The following ZEB1 variants were observed in gnomAD, a reference collection of about 807,000 sequenced individuals.
ZEB1 encodes the protein zinc finger E-box binding homeobox 1.
Under a neutral mutation model 84.9 loss-of-function variants are expected in ZEB1, and 21 were observed. The observed-to-expected ratio is 0.25, with a 90% CI of 0.18 to 0.36. The LOEUF (loss-of-function observed/expected upper bound fraction) is 0.36, where lower values mean the gene tolerates loss of function less well. Ranked by LOEUF, ZEB1 falls within the 10% of genes least tolerant of loss-of-function variation. The probability of loss-of-function intolerance (pLI) is 1.00; values close to 1 mark genes in which losing one functional copy is unlikely to be tolerated. For missense variants in ZEB1, 1,104 were observed against 1,330.2 expected (o/e 0.83, Z 2.65); for synonymous variants, 420 against 471.1 (o/e 0.89, Z 1.41).
Position 31,527,442 on chromosome 10 carries a change from C to T in ZEB1, c.*178C>T. 1.4e-6 allele frequency: 1 copy of T among 740,264 alleles called. No homozygotes were observed. The highest frequency in any genetic ancestry group is 2.1e-6 in the Non-Finnish European group (1 of 470,642). 45.9% of individuals were successfully genotyped at this position (740,264 alleles called of 1,614,324 possible). A position where few individuals can be genotyped will look rare whatever the true frequency, so the allele number is the denominator to read the frequency against. ...ACACACACACACACACACACACACA[C>T]ACACACACACAAAATAAATCCGGGT... On this transcript the variant is annotated 3_prime_UTR_variant, in exon 9 of 9. Transcript: ENST00000424869.
In ZEB1 at chr10:31,424,276, G is replaced by T. The variant is rs2056636672; in HGVS notation, c.59-36761G>T. Among the ~76,000 whole-genome samples the T allele has an allele frequency of 2.0e-5, 3 of 151,786 alleles. No individual in the cohort carries two copies. The South Asian group carries it at 6.2e-4, about 31-fold the overall frequency. On this transcript the variant is annotated intron_variant, in intron 1 of 8. Transcript: ENST00000424869. ...AGACTAGTCTTTTCATCATGACTTT[G>T]CATAACATTGTTCCAGCTAGATCAA... is the stretch of plus-strand genomic sequence containing the variant.
intron 1 of ZEB1, among the ~76,000 whole-genome samples, chr10:31,428,266 T>G (rs1417675913): frequency 6.6e-6 from 1 of 152,232 alleles, no homozygotes; most frequent in East Asian, 1.9e-4. Context: ...CATTGTCTCT[T>G]TGTTCCCATT....
intron 1 of ZEB1, among the ~76,000 whole-genome samples, chr10:31,323,643 G>A (rs1313596194): frequency 2.0e-5 from 3 of 152,066 alleles, no homozygotes; most frequent in Middle Eastern, 3.4e-3. Flanking sequence ...TAGTTCGTAC[G>A]TTGCTGTATG....
chr10:31,441,264 C>T (rs2058941291), intron 1 of ZEB1, among the ~76,000 whole-genome samples: 1 of 152,164 alleles, frequency 6.6e-6, no homozygotes, highest in Non-Finnish European at 1.5e-5. Flanking sequence ...ACATCTACAA[C>T]CATCTGATGT....
intron 2 of ZEB1, among the ~76,000 whole-genome samples, chr10:31,492,193 C>A (rs1412985435): frequency 1.3e-5 from 2 of 151,910 alleles, no homozygotes; most frequent in African/African-American, 2.4e-5. Flanking sequence ...CCCCAACTTA[C>A]AACATTGACT....
At chr10:31,361,016 C>A in intron 1 of ZEB1, 2 of 1,609,610 alleles carry the variant, frequency 1.2e-6, no homozygotes, top group Non-Finnish European at 1.7e-6. Context: ...TACAAGGCTC[C>A]TGCTTACCAT....
intron 5 of ZEB1, among the ~76,000 whole-genome samples, chr10:31,514,228 T>C (rs1228945509): frequency 6.6e-6 from 1 of 152,150 alleles, no homozygotes; most frequent in Non-Finnish European, 1.5e-5. Context: ...TTTCTATATC[T>C]ATAAATTGGA....
chr10:31,524,204 T>A, intron 8 of ZEB1, 91 bp downstream of exon 8: 1 of 930,576 alleles, frequency 1.1e-6, no homozygotes, highest in Non-Finnish European at 1.4e-6. Flanking sequence ...TTTTCTTTCT[T>A]TTTTTTTTTT....
intron 1 of ZEB1, among the ~76,000 whole-genome samples, chr10:31,418,834 A>G (rs748216272): frequency 2.0e-5 from 3 of 152,146 alleles, no homozygotes; most frequent in African/African-American, 7.2e-5. Flanking sequence ...AAATGCTCCA[A>G]AATCTGAAAC....
chr10:31,355,470 C>G (rs80301302), intron 1 of ZEB1, among the ~76,000 whole-genome samples: 2,295 of 152,142 alleles, frequency 0.015, 43 homozygotes, highest in African/African-American at 0.052. Context: ...AGCTTTGGAA[C>G]TAAACAAATA....
chr10:31,450,411 T>C (rs1046266944), intron 1 of ZEB1, among the ~76,000 whole-genome samples: 4 of 150,196 alleles, frequency 2.7e-5, no homozygotes, highest in East Asian at 1.9e-4. Context: ...TGGAAAGATA[T>C]TGATTTTTTT....
chr10:31,385,451 T>C (rs531390524), intron 1 of ZEB1, among the ~76,000 whole-genome samples: 4 of 152,312 alleles, frequency 2.6e-5, no homozygotes, highest in African/African-American at 7.2e-5. Context: ...TTCAGTCCTT[T>C]ATCAGTACCA....
chr10:31,482,186 T>A (rs1416124175), intron 2 of ZEB1, among the ~76,000 whole-genome samples: 1 of 151,908 alleles, frequency 6.6e-6, no homozygotes, highest in Non-Finnish European at 1.5e-5. Context: ...GTGCCACTAG[T>A]GTGGTATATT....
intron 1 of ZEB1, among the ~76,000 whole-genome samples, chr10:31,348,423 G>T (rs985546500): frequency 1.3e-5 from 2 of 152,104 alleles, no homozygotes; most frequent in Non-Finnish European, 2.9e-5. Context: ...AATTAGCCGG[G>T]TGTGGTGGCG....
At chr10:31,465,209 G>A (rs1444712663) in intron 2 of ZEB1, among the ~76,000 whole-genome samples, 1 of 151,652 alleles carries the variant, frequency 6.6e-6, no homozygotes, top group Non-Finnish European at 1.5e-5. Flanking sequence ...TAAAAAACAA[G>A]GTATTAAAAT....
Position 31,441,100 on chromosome 10 carries a change from A to T in ZEB1, c.59-19937A>T, listed in dbSNP as rs61846174. On this transcript the variant is annotated intron_variant, in intron 1 of 8. Transcript: ENST00000424869. ...CCAAAAAAGAGCCCACATTGCCAAG[A>T]CAATCCTAAGCCAAAAGAACAAAGC... Among the ~76,000 whole-genome samples, 1,404 of 152,068 alleles carry T rather than the reference A, an allele frequency of 9.2e-3. 21 individuals carry two copies. Among genetic ancestry groups the T allele is most frequent in the African/African-American group, 0.032 (1,345 of 41,506 alleles).
chr10:31,399,545 C>CT (rs2051506751), intron 1 of ZEB1, among the ~76,000 whole-genome samples: 1 of 152,166 alleles, frequency 6.6e-6, no homozygotes, highest in Non-Finnish European at 1.5e-5. Context: ...ACCATCTCTA[C>CT]TCCTACAACC....
At chr10:31,347,986 T>G (rs556200893) in intron 1 of ZEB1, among the ~76,000 whole-genome samples, 3 of 151,582 alleles carry the variant, frequency 2.0e-5, no homozygotes, top group Admixed American at 6.5e-5. Flanking sequence ...AACATGTTCT[T>G]TAATCTTTGC....
chr10:31,491,476 G>A (rs1299463930), intron 2 of ZEB1, among the ~76,000 whole-genome samples: 1 of 151,786 alleles, frequency 6.6e-6, no homozygotes, highest in Non-Finnish European at 1.5e-5. Context: ...TAAACTATAA[G>A]GATTCTCCTA....
Sources: allele counts gnomAD v4.1 joint callset (sites outside exome capture counted in the v4.1 genomes callset), GRCh38; gene constraint gnomAD v4.1.1; transcripts MANE v1.5; gene names NCBI Gene and HGNC (gene_info 2026-07-23, HGNC 2026-07-21).